The following NT5C1B variants were observed in gnomAD, a reference collection of about 807,000 sequenced individuals.
NT5C1B encodes the protein cytosolic 5'-nucleotidase 1B.
A neutral mutation model predicts 57.8 loss-of-function variants in NT5C1B; 44 were observed. The observed-to-expected ratio is 0.76, with a 90% CI of 0.60 to 0.98. The LOEUF is 0.98. Among genes scored for constraint, NT5C1B ranks in the 50% least tolerant of loss-of-function variants. The pLI, the probability that NT5C1B is intolerant of heterozygous loss-of-function variation, is 0.00. For synonymous variants in NT5C1B, 284 were observed against 282.6 expected (o/e 1.00, Z -0.05); for missense variants, 742 against 719.5 (o/e 1.03, Z -0.36).
At position 18,584,505 on chromosome 2, in the gene NT5C1B, C is replaced by G. The variant is rs761299181; in HGVS notation, c.723+9G>C. 14 of 1,605,044 alleles carry G rather than the reference C, an allele frequency of 8.7e-6. No homozygotes were observed. In the South Asian group the frequency reaches 1.6e-4, roughly 18 times the overall value. On this transcript the variant is annotated intron_variant, in intron 4 of 8. Transcript: ENST00000304081. This position sits in a 1 kb window ranked among gnomAD's most constrained non-coding sequence, Gnocchi z 5.8. The stretch of plus-strand genomic sequence containing the variant: ...CGCCCCGGCTGCCAGGGGCGGCGGG[C>G]TGGCTCACCGGCCAGGGGCGCGAGC...
exon 9 of NT5C1B, chr2:18,563,944 G>C: frequency 6.2e-7 from 1 of 1,614,210 alleles, no homozygotes; most frequent in Non-Finnish European, 8.5e-7. Context: ...AAGGAAAAGA[G>C]CTTCGTCTAT....
At chr2:18,577,408 G>GCT (rs1196472541) in intron 6 of NT5C1B, among the ~76,000 whole-genome samples, 1 of 113,122 alleles carries the variant, frequency 8.8e-6, no homozygotes, top group Non-Finnish European at 1.6e-5. Context: ...TGGTGAAAGA[G>GCT]CAAGACTCTG....
intron 2 of NT5C1B, chr2:18,587,254 CCT>C: frequency 6.6e-7 from 1 of 1,514,578 alleles, no homozygotes. Flanking sequence ...CAGTCTCCCC[CCT>C]GTGTAGGCTG....
chr2:18,587,827 A>G (rs1572391878), intron 1 of NT5C1B, among the ~76,000 whole-genome samples: 1 of 152,224 alleles, frequency 6.6e-6, no homozygotes, highest in South Asian at 2.1e-4. Flanking sequence ...GTTGGTTCAT[A>G]GATTTGAGAT....
rs1665739270 is a variant in NT5C1B, at chr2:18,576,944, A to C, written c.1022-49T>G. The C allele has an allele frequency of 7.5e-6, 12 of 1,607,470 alleles. No homozygotes were observed. In the East Asian group the frequency reaches 2.7e-4, roughly 36 times the overall value. ...TGTTATGACAGAGATTAAAGACAAA[A>C]TGCCGTAAATCCAAGTAAAAGTTAC... On this transcript the variant is annotated intron_variant, in intron 6 of 8. Coordinates refer to ENST00000304081, the Ensembl canonical transcript of NT5C1B.
At chr2:18,575,229 A>G (rs1335034123) in intron 8 of NT5C1B, among the ~76,000 whole-genome samples, 5 of 152,072 alleles carry the variant, frequency 3.3e-5, no homozygotes. Context: ...TTTTCTTAAT[A>G]GTAAGCTTTG....
At chr2:18,572,917 T>C (rs1041459930) in intron 8 of NT5C1B, among the ~76,000 whole-genome samples, 1 of 152,186 alleles carries the variant, frequency 6.6e-6, no homozygotes, top group Non-Finnish European at 1.5e-5. Flanking sequence ...ACATACACTA[T>C]TTATCACATG....
chr2:18,586,668 G>A (rs960007564), intron 2 of NT5C1B: 5 of 583,236 alleles, frequency 8.6e-6, no homozygotes, highest in Non-Finnish European at 1.5e-5. Flanking sequence ...CTCTTATGTG[G>A]ATATTAGTAT....
rs966209679 is a variant in NT5C1B at position 18,582,923 on chromosome 2, C to T, written c.966G>A (p.Met322Ile). 21 of 1,613,888 alleles carry T rather than the reference C, an allele frequency of 1.3e-5. No homozygotes were observed. The highest frequency in any genetic ancestry group is 1.7e-5 in the Non-Finnish European group (20 of 1,179,988). ...CTCCCACTTGGGCATGGTTATTAGT[C>T]ATCAGTACAATATCAAATAAGTCCT... The change falls in exon 6 of 9, where the codon ATG becomes ATA. Residue 322 changes from methionine to isoleucine, a missense_variant. Met to Ile is a conservative substitution (Grantham distance 10). Transcript: ENST00000304081.
chr2:18,586,814 G>T lies in NT5C1B; in HGVS notation c.121-423C>A, dbSNP rs1666753089. 4.4e-6 allele frequency: 5 copies of T among 1,130,428 alleles called. 1 individual carries two copies. In the African/African-American group the frequency reaches 4.7e-5, roughly 11 times the overall value. 70.0% of individuals were successfully genotyped at this position (1,130,428 alleles called of 1,614,324 possible). A position where few individuals can be genotyped will look rare whatever the true frequency, so the allele number is the denominator to read the frequency against. On this transcript the variant is annotated intron_variant, in intron 2 of 8. Transcript: ENST00000304081. ...CAACTGGTGCCCCACTGAGGTTGCA[G>T]GGGGACTCTAAGGCAGCTGCTGAAA... is the stretch of plus-strand genomic sequence containing the variant.
chr2:18,583,058 C>G, intron 5 of NT5C1B, 61 bp from the exon 6 acceptor site: 1 of 1,564,902 alleles, frequency 6.4e-7, no homozygotes, highest in East Asian at 2.3e-5. Flanking sequence ...CTGGGGAGGC[C>G]GGAGAGGAAG....
chr2:18,583,463 G>A, intron 5 of NT5C1B: 1 of 204,932 alleles, frequency 4.9e-6, no homozygotes, highest in East Asian at 1.2e-4. Flanking sequence ...TATTCTGTCA[G>A]AGTACTTTAT....
intron 5 of NT5C1B, chr2:18,583,770 C>T: frequency 1.9e-6 from 1 of 519,246 alleles, no homozygotes; most frequent in East Asian, 5.1e-5. Flanking sequence ...TTTATTTCTA[C>T]TACTCAGGAT....
At chr2:18,566,174 T>A (rs1487434165) in intron 8 of NT5C1B, among the ~76,000 whole-genome samples, 1 of 152,182 alleles carries the variant, frequency 6.6e-6, no homozygotes, top group African/African-American at 2.4e-5. Context: ...TTTCTCATAG[T>A]ATCTTTGAAT....
intron 2 of NT5C1B, 59 bp from the exon 3 acceptor site, chr2:18,586,450 G>T: frequency 1.3e-6 from 2 of 1,596,610 alleles, no homozygotes; most frequent in Non-Finnish European, 1.7e-6. Flanking sequence ...CCTTCTATAC[G>T]TGTGCCTGCA....
At chr2:18,585,221 T>G in intron 3 of NT5C1B, 1 of 761,328 alleles carries the variant, frequency 1.3e-6, no homozygotes, top group East Asian at 2.5e-5. Flanking sequence ...TTTCACACGT[T>G]TTTATTTGTT....
At chr2:18,570,815 C>T (rs1043848766) in intron 8 of NT5C1B, among the ~76,000 whole-genome samples, 7 of 151,974 alleles carry the variant, frequency 4.6e-5, no homozygotes, top group Non-Finnish European at 1.0e-4. Flanking sequence ...TTGGATTCAG[C>T]GATATATGAA....
At chr2:18,580,992 G>A (rs762140335) in intron 6 of NT5C1B, among the ~76,000 whole-genome samples, 5 of 152,290 alleles carry the variant, frequency 3.3e-5, no homozygotes, top group Admixed American at 6.5e-5. Context: ...TGGGTAATAC[G>A]CTTATTACCT....
intron 6 of NT5C1B, among the ~76,000 whole-genome samples, chr2:18,581,300 G>T (rs1013074577): frequency 3.9e-5 from 6 of 152,000 alleles, no homozygotes; most frequent in Admixed American, 3.9e-4. Flanking sequence ...TTAAAAAAAG[G>T]AATATTCTGA....
Sources: gnomAD v4.1 joint callset for allele counts (sites outside exome capture counted in the v4.1 genomes callset) on GRCh38, gnomAD v4.1.1 for gene constraint, Gnocchi (gnomAD v3.1) non-coding constraint, MANE v1.5 for transcripts, NCBI Gene and HGNC (gene_info 2026-07-23, HGNC 2026-07-21) for gene names.